The following CUL5 variants were observed in gnomAD, a reference collection of about 807,000 sequenced individuals.
The protein encoded by CUL5 is cullin 5, also known as cullin-5.
CUL5 carries 26 observed loss-of-function variants against 108.8 expected under a neutral mutation model. The observed-to-expected ratio is 0.24, with a 90% CI of 0.18 to 0.33. The LOEUF is 0.33. Ranked by LOEUF, CUL5 falls within the 10% of genes least tolerant of loss-of-function variation. The pLI, the probability that CUL5 is intolerant of heterozygous loss-of-function variation, is 1.00. For synonymous variants in CUL5, 334 were observed against 298.0 expected (o/e 1.12, Z -1.25); for missense variants, 524 against 909.2 (o/e 0.58, Z 5.45).
At position 108,052,803 on chromosome 11, in the gene CUL5, T is replaced by C; in HGVS notation, c.553+2T>C. 6.2e-7 allele frequency: 1 copy of C among 1,608,570 alleles called. No homozygotes were observed. The highest frequency in any genetic ancestry group is 8.5e-7 in the Non-Finnish European group (1 of 1,177,956). On this transcript the variant is annotated splice_donor_variant, in intron 5 of 18. Coordinates refer to ENST00000393094, the MANE Select transcript of CUL5 (RefSeq NM_003478.6). LOFTEE classifies it high-confidence loss of function. ...TTATTGGAGTAAGAGAATCCTATGG[T>C]ATGTTCTGAACTTTTATGATCATAA...
chr11:108,045,686 A>G (rs1165579563), intron 2 of CUL5, among the ~76,000 whole-genome samples: 2 of 152,102 alleles, frequency 1.3e-5, no homozygotes, highest in African/African-American at 4.8e-5. Flanking sequence ...ACATAGCAAG[A>G]CTGTTTCTAC....
At chr11:108,053,916 G>A (rs1863307275) in intron 5 of CUL5, among the ~76,000 whole-genome samples, 1 of 151,782 alleles carries the variant, frequency 6.6e-6, no homozygotes, top group Non-Finnish European at 1.5e-5. Flanking sequence ...GCAGTGGCAT[G>A]CTCGCTGCAA....
intron 2 of CUL5, among the ~76,000 whole-genome samples, chr11:108,038,816 C>T (rs548774266): frequency 1.3e-5 from 2 of 152,038 alleles, no homozygotes; most frequent in Admixed American, 6.6e-5. Context: ...CCATGTTAAT[C>T]GTTAACATTT....
At chr11:108,066,649 A>G (rs1274084308) in intron 7 of CUL5, among the ~76,000 whole-genome samples, 5 of 152,184 alleles carry the variant, frequency 3.3e-5, no homozygotes, top group Non-Finnish European at 7.3e-5. Context: ...TTCCCGTGGT[A>G]ACTATTGTTT....
chr11:108,059,833 G>A (rs1395526097), intron 7 of CUL5, among the ~76,000 whole-genome samples: 1 of 150,978 alleles, frequency 6.6e-6, no homozygotes, highest in African/African-American at 2.4e-5. Context: ...GCAGTAAGGA[G>A]AGATCACACC....
intron 11 of CUL5, among the ~76,000 whole-genome samples, chr11:108,078,946 A>G (rs1401711147): frequency 6.6e-6 from 1 of 152,138 alleles, no homozygotes; most frequent in Non-Finnish European, 1.5e-5. Context: ...GAGTCATACC[A>G]TATTATAATA....
intron 7 of CUL5, among the ~76,000 whole-genome samples, chr11:108,069,101 T>TA (rs1446192997): frequency 1.3e-5 from 2 of 152,024 alleles, no homozygotes; most frequent in African/African-American, 2.4e-5. Flanking sequence ...CAGAAAAGTT[T>TA]AAAAAATTAA....
chr11:108,066,981 C>T (rs1250325421), intron 7 of CUL5, among the ~76,000 whole-genome samples: 1 of 152,214 alleles, frequency 6.6e-6, no homozygotes, highest in Non-Finnish European at 1.5e-5. Flanking sequence ...CAGTTCTGAG[C>T]ATGTAGCCAT....
intron 18 of CUL5, among the ~76,000 whole-genome samples, chr11:108,102,057 T>C (rs1864685615): frequency 6.6e-6 from 1 of 152,216 alleles, no homozygotes; most frequent in African/African-American, 2.4e-5. Flanking sequence ...GGTCTCACCC[T>C]GTTGCCCAGG....
intron 1 of CUL5, among the ~76,000 whole-genome samples, chr11:108,030,690 A>G (rs1000391272): frequency 1.3e-5 from 2 of 152,238 alleles, no homozygotes; most frequent in Non-Finnish European, 2.9e-5. Flanking sequence ...ATCTGGAGCA[A>G]GACAGTATAT....
chr11:108,101,471 T>C (rs752181591), intron 18 of CUL5, among the ~76,000 whole-genome samples: 7 of 152,348 alleles, frequency 4.6e-5, no homozygotes, highest in Non-Finnish European at 1.0e-4. Context: ...CTGCTCTCTT[T>C]CCCCTGCTCT....
At chr11:108,026,663 C>G (rs1424228873) in intron 1 of CUL5, among the ~76,000 whole-genome samples, 1 of 152,102 alleles carries the variant, frequency 6.6e-6, no homozygotes, top group Admixed American at 6.6e-5. Context: ...TGGAATGTTC[C>G]TGTCAGCATA....
chr11:108,015,825 T>G (rs1343814749), intron 1 of CUL5, among the ~76,000 whole-genome samples: 1 of 152,208 alleles, frequency 6.6e-6, no homozygotes, highest in Non-Finnish European at 1.5e-5. Context: ...TAAATTTTGA[T>G]CAGTCATTTT....
At chr11:108,019,236 T>A (rs2135048662) in intron 1 of CUL5, among the ~76,000 whole-genome samples, 1 of 152,082 alleles carries the variant, frequency 6.6e-6, no homozygotes, top group African/African-American at 2.4e-5. Context: ...TGGAATCATT[T>A]CCCCACAGAT....
intron 10 of CUL5, among the ~76,000 whole-genome samples, chr11:108,075,800 G>T (rs139325787): frequency 6.6e-6 from 1 of 152,062 alleles, no homozygotes; most frequent in South Asian, 2.1e-4. Context: ...GATTATAGAC[G>T]TGAGCCACCA....
In CUL5 at chr11:108,104,328, C is replaced by A. The variant is rs1864738738; in HGVS notation, c.2287C>A (p.His763Asn). ...IKEQIEWLIE[H>N]KYIRRDESDI... ...AGAGCAAATAGAGTGGCTAATAGAG[C>A]ACAAATACATCAGAAGAGATGAATC... The change falls in exon 19 of 19, where the codon CAC becomes AAC. Residue 763 changes from histidine (H) to asparagine (N), a missense_variant. Physicochemically the swap from His to Asn is moderately conservative, Grantham distance 68. Coordinates refer to ENST00000393094, the MANE Select transcript of CUL5 (RefSeq NM_003478.6). 1 of 1,599,246 alleles carries A rather than the reference C, an allele frequency of 6.3e-7. No homozygotes were observed. The highest frequency in any genetic ancestry group is 1.8e-5 in the Admixed American group (1 of 56,484).
intron 7 of CUL5, among the ~76,000 whole-genome samples, chr11:108,060,828 C>CA (rs879814275): frequency 0.03 from 4,289 of 143,886 alleles, 180 homozygotes; most frequent in African/African-American, 0.097. Flanking sequence ...GAAACTGTCT[C>CA]AAAAAAAAAA....
At chr11:108,078,375 A>T in intron 11 of CUL5, 135 bp downstream of exon 11, 1 of 450,762 alleles carries the variant, frequency 2.2e-6, no homozygotes. Context: ...GCTTTTGGCT[A>T]TTAAAGTTCA....
In CUL5 at chr11:108,106,015, G is replaced by A. The variant is rs1297170040; in HGVS notation, c.*1631G>A. ...CCAAATGCCTGTTCTGAAACTTATA[G>A]GAAATTGGAATTTTGTTTAAAATTT... On this transcript the variant is annotated 3_prime_UTR_variant, in exon 19 of 19. Transcript: ENST00000393094. 6.6e-6 allele frequency: 1 copy of A among 152,048 alleles called. No homozygotes were observed. The highest frequency in any genetic ancestry group is 1.5e-5 in the Non-Finnish European group (1 of 67,974). The allele number at this position is 152,048 out of a possible 1,614,324, so 9.4% of individuals were successfully genotyped here.
Sources: allele counts gnomAD v4.1 joint callset (sites outside exome capture counted in the v4.1 genomes callset), GRCh38; gene constraint gnomAD v4.1.1; transcripts MANE v1.5; gene names NCBI Gene and HGNC (gene_info 2026-07-23, HGNC 2026-07-21).